The following SNTB1 variants were observed in gnomAD, a reference collection of about 807,000 sequenced individuals.
SNTB1 encodes syntrophin beta 1.
SNTB1 carries 36 observed loss-of-function variants against 48.9 expected under a neutral mutation model. That is an observed-to-expected ratio of 0.74 (90% CI 0.56 to 0.97). The LOEUF (loss-of-function observed/expected upper bound fraction) is 0.97, where lower values mean the gene tolerates loss of function less well. Among genes scored for constraint, SNTB1 ranks in the 50% least tolerant of loss-of-function variants. The pLI is 0.00. For missense variants in SNTB1, 786 were observed against 703.4 expected (o/e 1.12, Z -1.33); for synonymous variants, 299 against 294.6 (o/e 1.01, Z -0.15).
intron 2 of SNTB1, among the ~76,000 whole-genome samples, chr8:120,648,449 A>C (rs1437937979): frequency 4.6e-5 from 7 of 151,278 alleles, no homozygotes; most frequent in African/African-American, 1.7e-4. Flanking sequence ...TGGATATGAA[A>C]TTCTGGGTTG....
At chr8:120,568,951 A>AT (rs936471154) in intron 4 of SNTB1, among the ~76,000 whole-genome samples, 3 of 151,956 alleles carry the variant, frequency 2.0e-5, no homozygotes, top group Non-Finnish European at 4.4e-5. Flanking sequence ...ATAGACACTG[A>AT]TTTTTTTCTT....
At chr8:120,774,810 C>A (rs546256721) in intron 1 of SNTB1, among the ~76,000 whole-genome samples, 2 of 152,208 alleles carry the variant, frequency 1.3e-5, no homozygotes, top group East Asian at 3.9e-4. Context: ...CCCACCACCA[C>A]GCCCTGCTAA....
In SNTB1 at chr8:120,811,920, G is replaced by A; in HGVS notation, c.-77C>T. On this transcript the variant is annotated 5_prime_UTR_variant, in exon 1 of 7. Transcript: ENST00000517992. ...GGAAGGGTGGCCGGGGGGAGGACGC[G>A]GGGCCCGGGGGAGCGAGGAGAGTGC... is the stretch of plus-strand genomic sequence containing the variant. 7.8e-7 allele frequency: 1 copy of A among 1,285,456 alleles called. No homozygotes were observed. The highest frequency in any genetic ancestry group is 4.2e-5 in the Admixed American group (1 of 23,626). The allele number at this position is 1,285,456 out of a possible 1,614,324, so 79.6% of individuals were successfully genotyped here.
intron 2 of SNTB1, among the ~76,000 whole-genome samples, chr8:120,692,142 G>A (rs755612128): frequency 6.6e-6 from 1 of 152,120 alleles, no homozygotes; most frequent in Non-Finnish European, 1.5e-5. Context: ...ACTAATACAG[G>A]AGGAGTAGGG....
chr8:120,638,866 C>T (rs28863871), intron 2 of SNTB1, among the ~76,000 whole-genome samples: 61,432 of 152,094 alleles, frequency 0.4, 13,447 homozygotes, highest in Non-Finnish European at 0.49. Context: ...AATAAACATA[C>T]GTGTACATGT....
Position 120,575,146 on chromosome 8 carries a change from A to AT in SNTB1, c.1075dup (p.Met359AsnfsTer51). 6.2e-7 allele frequency: 1 copy of AT among 1,614,200 alleles called. No homozygotes were observed. Among genetic ancestry groups the AT allele is most frequent in the Non-Finnish European group, 8.5e-7 (1 of 1,180,026 alleles). ...GAACCAGGCTTCCTTCCTCCGTGGC[A>AT]TGCTGTCATAGATTAAAAGGTCTTT... is the stretch of plus-strand genomic sequence containing the variant. On this transcript the variant is annotated frameshift_variant, in exon 4 of 7. Transcript: ENST00000517992. LOFTEE classifies it high-confidence loss of function.
chr8:120,771,398 T>A (rs574318578), intron 1 of SNTB1, among the ~76,000 whole-genome samples: 107 of 152,332 alleles, frequency 7.0e-4, no homozygotes, highest in African/African-American at 2.4e-3. Context: ...AATTTCTGTT[T>A]CCATGTGAAA....
chr8:120,806,821 C>T (rs987911774), intron 1 of SNTB1, among the ~76,000 whole-genome samples: 9 of 152,166 alleles, frequency 5.9e-5, no homozygotes, highest in African/African-American at 2.2e-4. Context: ...TCTGTACATC[C>T]TAAATAAAAT....
chr8:120,548,060 C>T (rs535817571), intron 5 of SNTB1, among the ~76,000 whole-genome samples: 3 of 152,252 alleles, frequency 2.0e-5, no homozygotes, highest in South Asian at 4.2e-4. Context: ...GTTCCCTCCT[C>T]CTTTCAGTAA....
At chr8:120,756,959 C>T (rs1360657078) in intron 1 of SNTB1, among the ~76,000 whole-genome samples, 2 of 152,188 alleles carry the variant, frequency 1.3e-5, no homozygotes, top group Non-Finnish European at 1.5e-5. Flanking sequence ...ATCTTTTGCT[C>T]CATGGGCATG....
At chr8:120,547,343 C>G (rs1201229634) in intron 5 of SNTB1, among the ~76,000 whole-genome samples, 1 of 152,000 alleles carries the variant, frequency 6.6e-6, no homozygotes, top group Non-Finnish European at 1.5e-5. Context: ...TGCCTGTAAT[C>G]CCAGCACTTT....
intron 1 of SNTB1, among the ~76,000 whole-genome samples, chr8:120,721,622 A>G (rs1818659664): frequency 6.6e-6 from 1 of 152,162 alleles, no homozygotes; most frequent in South Asian, 2.1e-4. Context: ...ATATAACCAT[A>G]ATGCCATTTT....
Position 120,652,959 on chromosome 8 carries a change from C to G in SNTB1, c.789-20308G>C, listed in dbSNP as rs1459946424. 2.0e-5 allele frequency among the ~76,000 whole-genome samples: 3 copies of G among 152,160 alleles called. No homozygotes were observed. The East Asian group carries it at 5.8e-4, about 29-fold the overall frequency. On this transcript the variant is annotated intron_variant, in intron 2 of 6. Transcript: ENST00000517992. ...TGAAACAGAAAATCCCAGTAAATCT[C>G]TTGGGTTACAAAACGGAGTAAGAAA...
intron 2 of SNTB1, among the ~76,000 whole-genome samples, chr8:120,677,951 T>C (rs796221215): frequency 1.3e-4 from 20 of 152,254 alleles, no homozygotes; most frequent in African/African-American, 4.8e-4. Flanking sequence ...GGGTTTGGTT[T>C]CCAGGTAACA....
At chr8:120,658,629 T>C (rs555027159) in intron 2 of SNTB1, among the ~76,000 whole-genome samples, 3 of 152,334 alleles carry the variant, frequency 2.0e-5, no homozygotes, top group South Asian at 2.1e-4. Context: ...GTACACACTT[T>C]AACTTAAAAA....
intron 2 of SNTB1, among the ~76,000 whole-genome samples, chr8:120,668,760 G>A (rs997638935): frequency 2.6e-5 from 4 of 152,190 alleles, no homozygotes; most frequent in Non-Finnish European, 2.9e-5. Context: ...ATCAAGAACA[G>A]CTGGAGAAAA....
At chr8:120,667,069 C>T (rs1348527478) in intron 2 of SNTB1, among the ~76,000 whole-genome samples, 1 of 147,854 alleles carries the variant, frequency 6.8e-6, no homozygotes, top group East Asian at 2.0e-4. Context: ...TCCTTCTTTG[C>T]ATGTTTGGTA....
At chr8:120,646,368 G>T (rs1307109791) in intron 2 of SNTB1, among the ~76,000 whole-genome samples, 1 of 145,614 alleles carries the variant, frequency 6.9e-6, no homozygotes, top group South Asian at 2.3e-4. Flanking sequence ...AGAGTTTTTA[G>T]CATGAAGGGT....
intron 3 of SNTB1, among the ~76,000 whole-genome samples, chr8:120,582,257 A>G (rs1488417742): frequency 6.6e-6 from 1 of 152,194 alleles, no homozygotes; most frequent in Non-Finnish European, 1.5e-5. Context: ...AACACAACAT[A>G]TCAAAATCCT....
Sources: gnomAD v4.1 joint callset for allele counts (sites outside exome capture counted in the v4.1 genomes callset) on GRCh38, gnomAD v4.1.1 for gene constraint, MANE v1.5 for transcripts, NCBI Gene and HGNC (gene_info 2026-07-23, HGNC 2026-07-21) for gene names.